Variants in FRMPD4 observed in about 807,000 individuals in gnomAD.
FRMPD4 encodes the protein FERM and PDZ domain containing 4, also known as FERM and PDZ domain-containing protein 4.
FRMPD4 carries 22 observed loss-of-function variants against 94.1 expected under a neutral mutation model. That is an observed-to-expected ratio of 0.23 (90% CI 0.17 to 0.33). The LOEUF (loss-of-function observed/expected upper bound fraction) is 0.33. Among genes scored for constraint, FRMPD4 ranks in the 10% least tolerant of loss-of-function variants. The pLI is 1.00. For synonymous variants in FRMPD4, 631 were observed against 548.6 expected (o/e 1.15, Z -2.10); for missense variants, 1,111 against 1,339.9 (o/e 0.83, Z 2.67).
At chrX:12,381,342 G>A (rs1049380118) in intron 1 of FRMPD4, among the ~76,000 whole-genome samples, 2 of 112,184 alleles carry the variant, frequency 1.8e-5, no homozygotes, top group South Asian at 3.7e-4. Flanking sequence ...ATGCTTTCTC[G>A]TCCTTGATAT....
At chrX:12,550,428 C>T (rs1369865852) in intron 2 of FRMPD4, among the ~76,000 whole-genome samples, 1 of 110,654 alleles carries the variant, frequency 9.0e-6, no homozygotes, top group East Asian at 2.8e-4. Context: ...AAGAGTAAAA[C>T]TCTTCTGAAT....
At chrX:12,655,662 C>T (rs969191362) in intron 4 of FRMPD4, among the ~76,000 whole-genome samples, 11 of 111,884 alleles carry the variant, frequency 9.8e-5, no homozygotes, top group African/African-American at 3.2e-4. Flanking sequence ...ATGTTCTGGG[C>T]CAATGAGAAT....
At chrX:12,023,518 T>C (rs769711069) in intron 3 of FRMPD4, among the ~76,000 whole-genome samples, 11 of 112,093 alleles carry the variant, frequency 9.8e-5, no homozygotes, top group Non-Finnish European at 1.7e-4. Context: ...GCTTGTAATT[T>C]CTTTGATTAT....
intron 3 of FRMPD4, among the ~76,000 whole-genome samples, chrX:12,060,862 T>C (rs757837253): frequency 1.8e-5 from 2 of 112,279 alleles, no homozygotes; most frequent in African/African-American, 3.2e-5. Flanking sequence ...GCTGCACATT[T>C]CTCTCTGATC....
intron 1 of FRMPD4, among the ~76,000 whole-genome samples, chrX:11,854,817 G>A (rs1365421774): frequency 8.9e-6 from 1 of 111,812 alleles, no homozygotes; most frequent in African/African-American, 3.3e-5. Context: ...GCTTTTCCAG[G>A]TGCATGGTGC....
At position 12,364,411 on chromosome X, in the gene FRMPD4, G is replaced by A. The variant is rs374233001; in HGVS notation, c.42-134269G>A. ...TAAGGCAGGATGATCAGGCTTGGGA[G>A]TGGCCAGTTTCAGTCATTTCGGCCT... On this transcript the variant is annotated intron_variant, in intron 1 of 16. Transcript: ENST00000675598. Among the ~76,000 whole-genome samples the A allele has an allele frequency of 2.2e-4, 25 of 111,298 alleles. 1 individual carries two copies. In the East Asian group the frequency reaches 2.8e-3, roughly 13 times the overall value.
intron 4 of FRMPD4, among the ~76,000 whole-genome samples, chrX:12,638,863 A>G (rs1428297562): frequency 1.8e-5 from 2 of 111,032 alleles, no homozygotes; most frequent in African/African-American, 6.6e-5. Context: ...GTCATAGTTA[A>G]TACCGGTAAA....
At chrX:12,425,189 C>T (rs2056931603) in intron 1 of FRMPD4, among the ~76,000 whole-genome samples, 1 of 111,976 alleles carries the variant, frequency 8.9e-6, no homozygotes, top group African/African-American at 3.2e-5. Context: ...TTTGTTAGGC[C>T]ACATTTCTCA....
chrX:12,675,139 G>A (rs1000700880), intron 5 of FRMPD4, among the ~76,000 whole-genome samples: 22 of 112,143 alleles, frequency 2.0e-4, no homozygotes, highest in Non-Finnish European at 3.9e-4. Flanking sequence ...AAGACAACCA[G>A]CTATTCCAGT....
chrX:12,140,109 G>A (rs1033700403), intron 1 of FRMPD4, among the ~76,000 whole-genome samples: 1 of 112,105 alleles, frequency 8.9e-6, no homozygotes, highest in African/African-American at 3.2e-5. Context: ...GACCACTTCA[G>A]AAAGGTTCTG....
At chrX:12,326,467 A>G (rs1369539957) in intron 1 of FRMPD4, among the ~76,000 whole-genome samples, 3 of 111,340 alleles carry the variant, frequency 2.7e-5, no homozygotes, top group African/African-American at 9.9e-5. Context: ...CAATGCCAAT[A>G]GAATCCCCCA....
At chrX:11,849,562 A>C (rs1434234584) in intron 1 of FRMPD4, among the ~76,000 whole-genome samples, 1 of 111,650 alleles carries the variant, frequency 9.0e-6, no homozygotes, top group African/African-American at 3.3e-5. Context: ...ACTGTCATAA[A>C]GACAGACATG....
chrX:12,189,031 G>C (rs1382997296), intron 1 of FRMPD4, among the ~76,000 whole-genome samples: 4 of 111,353 alleles, frequency 3.6e-5, no homozygotes, highest in African/African-American at 1.3e-4. Context: ...CAATAAAATT[G>C]ATAAGTCTCT....
At chrX:12,492,420 A>C (rs1355227373) in intron 1 of FRMPD4, among the ~76,000 whole-genome samples, 2 of 112,551 alleles carry the variant, frequency 1.8e-5, no homozygotes, top group East Asian at 5.5e-4. Context: ...TAAATCATGT[A>C]ATGAATCAGA....
chrX:12,616,899 A>G (rs2148427980), intron 4 of FRMPD4, among the ~76,000 whole-genome samples: 1 of 112,296 alleles, frequency 8.9e-6, no homozygotes, highest in African/African-American at 3.2e-5. Context: ...CTGGAGGATG[A>G]TAGAAGAAAT....
At chrX:12,698,892 G>C (rs191274289) in intron 9 of FRMPD4, among the ~76,000 whole-genome samples, 16 of 111,464 alleles carry the variant, frequency 1.4e-4, no homozygotes, top group African/African-American at 3.9e-4. Flanking sequence ...CAAGTTAGTT[G>C]TTTTTGAGAC....
At position 12,708,644 on chromosome X, in the gene FRMPD4, C is replaced by T. The variant is rs1160570392; in HGVS notation, c.1470+993C>T. 9.0e-5 allele frequency among the ~76,000 whole-genome samples: 10 copies of T among 111,031 alleles called. No individual in the cohort carries two copies. The East Asian group carries it at 1.7e-3, about 19-fold the overall frequency. ...CTACTGTTTCTATGAAGAAAAGGCACGGGAACAAATGGAGATAGTGACTCC... is the reference window on the plus strand; with the variant it reads ...CTACTGTTTCTATGAAGAAAAGGCATGGGAACAAATGGAGATAGTGACTCC... On this transcript the variant is annotated intron_variant, in intron 13 of 16. Transcript: ENST00000675598.
Position 12,132,235 on chromosome X carries a change from G to A in FRMPD4, c.95+254217G>A, listed in dbSNP as rs150971627. 7.4e-3 allele frequency among the ~76,000 whole-genome samples: 656 copies of A among 88,240 alleles called. 3 individuals are homozygous for A. The highest frequency in any genetic ancestry group is 0.024 in the African/African-American group (612 of 25,844). The allele number at this position is 88,240 out of a possible 115,157, so 76.6% of individuals were successfully genotyped here. A position where few individuals can be genotyped will look rare whatever the true frequency, so the allele number is the denominator to read the frequency against. On this transcript the variant is annotated intron_variant, in intron 3 of 18. Coordinates refer to the FRMPD4 transcript ENST00000640291. ...ATGATCGGTTTCAGGTGAGGTTTAGGAGGGAAAAAAAAAAAGTTAAAAGTG... is the reference window on the plus strand; with the variant it reads ...ATGATCGGTTTCAGGTGAGGTTTAGAAGGGAAAAAAAAAAAGTTAAAAGTG...
intron 2 of FRMPD4, among the ~76,000 whole-genome samples, chrX:11,872,147 G>T (rs573965947): frequency 2.7e-5 from 3 of 112,321 alleles, no homozygotes; most frequent in South Asian, 7.3e-4. Context: ...TAGAAAATAT[G>T]AATTGCTGTG....
Sources: allele counts gnomAD v4.1 joint callset (sites outside exome capture counted in the v4.1 genomes callset), GRCh38; gene constraint gnomAD v4.1.1; transcripts MANE v1.5; gene names NCBI Gene and HGNC (gene_info 2026-07-23, HGNC 2026-07-21).